The following NEK7 variants were observed in gnomAD, a reference collection of about 807,000 sequenced individuals.
NEK7 encodes NIMA related kinase 7.
A neutral mutation model predicts 44.6 loss-of-function variants in NEK7; 18 were observed. That is an observed-to-expected ratio of 0.40 (90% confidence interval 0.28 to 0.60). NEK7 has a LOEUF of 0.60. NEK7 is among the 20% of genes least tolerant of loss of function. The probability of loss-of-function intolerance (pLI) is 0.38; values close to 1 mark genes in which losing one functional copy is unlikely to be tolerated. For missense variants in NEK7, 256 were observed against 366.5 expected (o/e 0.70, Z 2.46); for synonymous variants, 130 against 121.1 (o/e 1.07, Z -0.48).
chr1:198,320,548 T>C lies in NEK7; in HGVS notation c.*1026T>C, dbSNP rs999323801. 1.4e-4 allele frequency: 21 copies of C among 152,288 alleles called. 1 individual carries two copies. The highest frequency in any genetic ancestry group is 4.8e-4 in the African/African-American group (20 of 41,574). The allele number at this position is 152,288 out of a possible 1,614,324, so 9.4% of individuals were successfully genotyped here. A position where few individuals can be genotyped will look rare whatever the true frequency, so the allele number is the denominator to read the frequency against. Reference sequence around the variant, plus strand: ...TTTTATCCATTAATGTTTCATACTTTCTGAGAGTATAATACCCTTTTAAAA... The same window carrying C: ...TTTTATCCATTAATGTTTCATACTTCCTGAGAGTATAATACCCTTTTAAAA... On this transcript the variant is annotated 3_prime_UTR_variant, in exon 10 of 10. Transcript: ENST00000367385.
At chr1:198,309,048 A>T (rs1655096143) in intron 9 of NEK7, among the ~76,000 whole-genome samples, 1 of 152,208 alleles carries the variant, frequency 6.6e-6, no homozygotes, top group Non-Finnish European at 1.5e-5. Flanking sequence ...TTAATGAAGT[A>T]CAATAAAGTG....
chr1:198,225,833 TG>T (rs1224779484), intron 1 of NEK7, among the ~76,000 whole-genome samples: 1 of 152,154 alleles, frequency 6.6e-6, no homozygotes, highest in African/African-American at 2.4e-5. Context: ...GCACCTTCTT[TG>T]GGGAGTTTTT....
intron 9 of NEK7, among the ~76,000 whole-genome samples, chr1:198,301,767 G>A (rs1040291275): frequency 6.6e-5 from 10 of 152,144 alleles, no homozygotes; most frequent in Non-Finnish European, 1.3e-4. Context: ...AGAAATTTAA[G>A]CATTTATCAA....
chr1:198,295,093 A>C (rs1277210262), intron 8 of NEK7, among the ~76,000 whole-genome samples: 2 of 152,096 alleles, frequency 1.3e-5, no homozygotes, highest in African/African-American at 4.8e-5. Context: ...ACCTCAAAAA[A>C]AAAAAAAAAC....
chr1:198,185,190 A>ATTTTTT (rs919588030), intron 1 of NEK7, among the ~76,000 whole-genome samples: 45 of 83,810 alleles, frequency 5.4e-4, no homozygotes, highest in Non-Finnish European at 6.0e-4. Flanking sequence ...CATGCTGTCT[A>ATTTTTT]TTTTTTTTTT....
intron 5 of NEK7, among the ~76,000 whole-genome samples, chr1:198,270,339 A>T (rs1014924934): frequency 2.0e-5 from 3 of 152,032 alleles, no homozygotes; most frequent in Admixed American, 1.3e-4. Flanking sequence ...ATATATTTTT[A>T]AAAATTGTTT....
intron 1 of NEK7, among the ~76,000 whole-genome samples, chr1:198,216,457 G>C (rs967161626): frequency 6.6e-6 from 1 of 151,868 alleles, no homozygotes; most frequent in Non-Finnish European, 1.5e-5. Flanking sequence ...AGTTTATAGC[G>C]CTAAATATCT....
rs1655512305 is a variant in NEK7 at position 198,320,757 on chromosome 1, C to T, written c.*1235C>T. 2 of 152,100 alleles carry T rather than the reference C, an allele frequency of 1.3e-5. No individual in the cohort carries two copies. Among genetic ancestry groups the T allele is most frequent in the Admixed American group, 1.3e-4 (2 of 15,262 alleles). The allele number at this position is 152,100 out of a possible 1,614,324, so 9.4% of individuals were successfully genotyped here. On this transcript the variant is annotated 3_prime_UTR_variant, in exon 10 of 10. Coordinates refer to ENST00000367385, the MANE Select transcript of NEK7 (RefSeq NM_133494.3). ...GACAAGGTTGTAATTCTAGAATATG[C>T]TTAATAAAATGAAAACTGGCCATGA...
At chr1:198,264,099 T>A (rs774657545) in intron 4 of NEK7, 26 bp from the exon 5 acceptor site, 29 of 1,569,548 alleles carry the variant, frequency 1.8e-5, no homozygotes, top group Non-Finnish European at 2.5e-5. Flanking sequence ...TAAGAAAACT[T>A]TCTGATGCCT....
intron 9 of NEK7, among the ~76,000 whole-genome samples, chr1:198,304,114 G>A (rs1018732763): frequency 3.3e-5 from 5 of 152,086 alleles, no homozygotes; most frequent in South Asian, 2.1e-4. Flanking sequence ...TGCTTCTGAA[G>A]CAACACTGGG....
intron 7 of NEK7, among the ~76,000 whole-genome samples, chr1:198,291,173 A>T (rs2103004446): frequency 6.6e-6 from 1 of 152,162 alleles, no homozygotes; most frequent in East Asian, 1.9e-4. Context: ...TGCTTTTGGT[A>T]AACTCTGAAC....
intron 7 of NEK7, among the ~76,000 whole-genome samples, chr1:198,286,542 C>T (rs1654376017): frequency 6.6e-6 from 1 of 152,002 alleles, no homozygotes; most frequent in South Asian, 2.1e-4. Context: ...CCACTCAATG[C>T]ATGAATCATT....
intron 1 of NEK7, among the ~76,000 whole-genome samples, chr1:198,202,096 G>T (rs1213463851): frequency 6.6e-5 from 10 of 152,264 alleles, no homozygotes. Flanking sequence ...TAAAAAGTCA[G>T]AGGTACTTCA....
In NEK7 at chr1:198,157,076, A is replaced by C. The variant is rs548492730; in HGVS notation, c.-229A>C. On this transcript the variant is annotated 5_prime_UTR_variant, in exon 1 of 10. Coordinates refer to ENST00000367385, the MANE Select transcript of NEK7 (RefSeq NM_133494.3). ...GGCCGCCGCTAGGCTCGCACTCCGG[A>C]CGCGCCTCGCAGTGCGCAGGGTGGG... 6.6e-6 allele frequency: 1 copy of C among 151,956 alleles called. No individual in the cohort carries two copies. Among genetic ancestry groups the C allele is most frequent in the South Asian group, 2.1e-4 (1 of 4,816 alleles). The allele number at this position is 151,956 out of a possible 1,614,324, so 9.4% of individuals were successfully genotyped here. A position where few individuals can be genotyped will look rare whatever the true frequency, so the allele number is the denominator to read the frequency against.
intron 1 of NEK7, among the ~76,000 whole-genome samples, chr1:198,160,547 G>A (rs1664074651): frequency 6.6e-6 from 1 of 152,144 alleles, no homozygotes; most frequent in Admixed American, 6.5e-5. Context: ...ACTTAAGGGT[G>A]TCTTGGAAAT....
chr1:198,271,937 A>ACG (rs1334420948), intron 5 of NEK7, among the ~76,000 whole-genome samples: 2 of 148,364 alleles, frequency 1.3e-5, no homozygotes, highest in African/African-American at 4.9e-5. Flanking sequence ...ACACACACAC[A>ACG]CACACATAGA....
At chr1:198,256,107 T>C (rs1479656542) in intron 3 of NEK7, among the ~76,000 whole-genome samples, 2 of 152,208 alleles carry the variant, frequency 1.3e-5, no homozygotes, top group East Asian at 1.9e-4. Context: ...AAGAACTGTA[T>C]TACTGTTCCC....
chr1:198,315,477 C>T (rs910243729), intron 9 of NEK7, among the ~76,000 whole-genome samples: 4 of 152,284 alleles, frequency 2.6e-5, no homozygotes, highest in East Asian at 1.9e-4. Flanking sequence ...CTATGGTGGG[C>T]CTTAGCTTTT....
At chr1:198,244,580 ATTAG>A (rs1338773217) in intron 2 of NEK7, among the ~76,000 whole-genome samples, 5 of 152,300 alleles carry the variant, frequency 3.3e-5, no homozygotes, top group Middle Eastern at 6.8e-3. Context: ...GTTAATCCCA[ATTAG>A]TTAGTAAGAT....
Sources: gnomAD v4.1 joint callset for allele counts (sites outside exome capture counted in the v4.1 genomes callset) on GRCh38, gnomAD v4.1.1 for gene constraint, MANE v1.5 for transcripts, NCBI Gene and HGNC (gene_info 2026-07-23, HGNC 2026-07-21) for gene names.